Variants in KCNIP4 observed in about 807,000 individuals in gnomAD.
KCNIP4 encodes potassium voltage-gated channel interacting protein 4.
In KCNIP4, 12 loss-of-function variants were observed where a neutral mutation model predicts 34.0. The ratio of observed to expected loss-of-function variants is 0.35; its 90% CI spans 0.23 to 0.57. KCNIP4 has a LOEUF of 0.57. Among genes scored for constraint, KCNIP4 ranks in the 20% least tolerant of loss-of-function variants. The pLI is 0.83. For synonymous variants in KCNIP4, 124 were observed against 102.2 expected (o/e 1.21, Z -1.29); for missense variants, 238 against 311.7 (o/e 0.76, Z 1.78).
chr4:20,784,083 A>G (rs1445803235), intron 3 of KCNIP4, among the ~76,000 whole-genome samples: 2 of 152,214 alleles, frequency 1.3e-5, no homozygotes, highest in Non-Finnish European at 2.9e-5. Flanking sequence ...ACATTCAAAC[A>G]CTAGTGTCCT....
At chr4:21,146,973 A>C (rs892467042) in intron 1 of KCNIP4, among the ~76,000 whole-genome samples, 1 of 152,110 alleles carries the variant, frequency 6.6e-6, no homozygotes. Context: ...ATATGTATAT[A>C]TATGTGGGGG....
At chr4:20,742,821 G>C (rs544382060) in intron 5 of KCNIP4, among the ~76,000 whole-genome samples, 1 of 152,050 alleles carries the variant, frequency 6.6e-6, no homozygotes, top group Non-Finnish European at 1.5e-5. Flanking sequence ...AAACCCTGTC[G>C]TCTCAGCCCA....
At chr4:20,992,580 T>C (rs867152120) in intron 1 of KCNIP4, among the ~76,000 whole-genome samples, 1 of 152,110 alleles carries the variant, frequency 6.6e-6, no homozygotes, top group African/African-American at 2.4e-5. Flanking sequence ...CTCCCTCCCT[T>C]TCTGCCTCTC....
chr4:21,282,071 A>C (rs1762811998), intron 1 of KCNIP4, among the ~76,000 whole-genome samples: 1 of 152,234 alleles, frequency 6.6e-6, no homozygotes, highest in Non-Finnish European at 1.5e-5. Flanking sequence ...AACAATTCTA[A>C]AAATGTGTTT....
At chr4:21,817,418 C>T (rs1019786461) in intron 1 of KCNIP4, among the ~76,000 whole-genome samples, 1 of 151,954 alleles carries the variant, frequency 6.6e-6, no homozygotes, top group African/African-American at 2.4e-5. Flanking sequence ...TGTGTTTGCA[C>T]AATATGAAAT....
In KCNIP4 at chr4:21,564,170, T is replaced by C. The variant is rs537592147; in HGVS notation, c.61+384401A>G. Among the ~76,000 whole-genome samples, 301 of 152,280 alleles carry C rather than the reference T, an allele frequency of 2.0e-3. 1 individual carries two copies. The highest frequency in any genetic ancestry group is 6.9e-3 in the African/African-American group (287 of 41,572). ...TATTATTCTCTTGTAAAATAGATTG[T>C]GGTTCTTTTTATTTCTGTAACTTAA... On this transcript the variant is annotated intron_variant, in intron 1 of 8. Coordinates refer to ENST00000382152, the MANE Select transcript of KCNIP4 (RefSeq NM_025221.6).
intron 1 of KCNIP4, among the ~76,000 whole-genome samples, chr4:20,897,618 G>T (rs1168950138): frequency 6.6e-6 from 1 of 151,906 alleles, no homozygotes; most frequent in African/African-American, 2.4e-5. Flanking sequence ...GAGGCCATTA[G>T]AGTGGGGCCC....
chr4:20,808,390 G>A (rs549224536), intron 3 of KCNIP4, among the ~76,000 whole-genome samples: 2 of 152,196 alleles, frequency 1.3e-5, no homozygotes, highest in Non-Finnish European at 2.9e-5. Context: ...TGACATTCAT[G>A]TCAGTAGGTG....
chr4:21,202,142 T>G (rs1346778172), intron 1 of KCNIP4, among the ~76,000 whole-genome samples: 1 of 152,150 alleles, frequency 6.6e-6, no homozygotes, highest in Non-Finnish European at 1.5e-5. Context: ...AAACAAATAA[T>G]TCTATCAAAA....
chr4:21,937,048 G>A (rs1296550685), intron 1 of KCNIP4, among the ~76,000 whole-genome samples: 1 of 151,986 alleles, frequency 6.6e-6, no homozygotes, highest in East Asian at 1.9e-4. Flanking sequence ...AGTTTAATTT[G>A]ATAGCCAGCT....
intron 1 of KCNIP4, among the ~76,000 whole-genome samples, chr4:21,470,143 G>A (rs1730336680): frequency 6.6e-6 from 1 of 152,182 alleles, no homozygotes; most frequent in Non-Finnish European, 1.5e-5. Flanking sequence ...CCAGGGCCTT[G>A]ACATCGGGAC....
chr4:21,558,351 G>C (rs1739240446), intron 1 of KCNIP4, among the ~76,000 whole-genome samples: 3 of 152,034 alleles, frequency 2.0e-5, no homozygotes, highest in Non-Finnish European at 4.4e-5. Flanking sequence ...AATCAGCCAG[G>C]TGTGGTGGCG....
chr4:21,730,387 T>C (rs2109110093), intron 1 of KCNIP4, among the ~76,000 whole-genome samples: 1 of 152,278 alleles, frequency 6.6e-6, no homozygotes, highest in South Asian at 2.1e-4. Flanking sequence ...CCGTGTTGTG[T>C]TTCACTCTAA....
intron 1 of KCNIP4, among the ~76,000 whole-genome samples, chr4:21,571,374 C>T (rs1417806207): frequency 6.6e-6 from 1 of 152,196 alleles, no homozygotes; most frequent in East Asian, 1.9e-4. Flanking sequence ...CACATCCATG[C>T]AGACCTGATC....
intron 1 of KCNIP4, among the ~76,000 whole-genome samples, chr4:21,810,343 ACTC>A (rs2109268559): frequency 6.6e-6 from 1 of 151,862 alleles, no homozygotes; most frequent in East Asian, 1.9e-4. Flanking sequence ...ATCTTTGTCA[ACTC>A]CTCCTTCCCC....
At chr4:21,055,510 G>A (rs1255330277) in intron 1 of KCNIP4, among the ~76,000 whole-genome samples, 1 of 152,108 alleles carries the variant, frequency 6.6e-6, no homozygotes, top group Non-Finnish European at 1.5e-5. Context: ...AAAACTGGAA[G>A]CAACCAAGAT....
intron 1 of KCNIP4, among the ~76,000 whole-genome samples, chr4:21,104,053 T>C (rs1336646217): frequency 5.3e-5 from 8 of 152,046 alleles, no homozygotes. Flanking sequence ...ATACATGTCC[T>C]TGTCTCTTTA....
At chr4:21,489,298 A>G (rs1841372) in intron 1 of KCNIP4, among the ~76,000 whole-genome samples, 32,255 of 141,228 alleles carry the variant, frequency 0.23, 3,759 homozygotes, top group Admixed American at 0.29. Flanking sequence ...CCACATAAAC[A>G]CTCAGTTTAT....
At chr4:21,307,283 G>T (rs1265713826) in intron 1 of KCNIP4, among the ~76,000 whole-genome samples, 2 of 152,122 alleles carry the variant, frequency 1.3e-5, no homozygotes, top group Non-Finnish European at 2.9e-5. Context: ...TCCAGCCTTT[G>T]TATTTCCCTC....
Sources: allele counts gnomAD v4.1 joint callset (sites outside exome capture counted in the v4.1 genomes callset), GRCh38; gene constraint gnomAD v4.1.1; transcripts MANE v1.5; gene names NCBI Gene and HGNC (gene_info 2026-07-23, HGNC 2026-07-21).